COL25A1: variants seen among roughly 807,000 people sequenced by gnomAD.
The protein encoded by COL25A1 is collagen type XXV alpha 1 chain.
A neutral mutation model predicts 128.4 loss-of-function variants in COL25A1; 103 were observed. The ratio of observed to expected loss-of-function variants is 0.80; its 90% CI spans 0.68 to 0.94. The LOEUF (loss-of-function observed/expected upper bound fraction) is 0.94, where lower values mean the gene tolerates loss of function less well. Among genes scored for constraint, COL25A1 ranks in the 40% least tolerant of loss-of-function variants. The pLI is 0.00. For missense variants in COL25A1, 745 were observed against 840.0 expected (o/e 0.89, Z 1.40); for synonymous variants, 279 against 277.2 (o/e 1.01, Z -0.06).
intron 3 of COL25A1, among the ~76,000 whole-genome samples, chr4:109,066,723 C>A (rs991856200): frequency 6.6e-6 from 1 of 152,130 alleles, no homozygotes; most frequent in Non-Finnish European, 1.5e-5. Flanking sequence ...AGTGCCATGG[C>A]ATGATCATAG....
chr4:109,259,965 GTT>G (rs1781324697), intron 3 of COL25A1, among the ~76,000 whole-genome samples: 1 of 152,214 alleles, frequency 6.6e-6, no homozygotes, highest in African/African-American at 2.4e-5. Flanking sequence ...TGGTGATTTA[GTT>G]TACGACAAAC....
At chr4:108,938,771 G>A (rs1444477433) in intron 10 of COL25A1, among the ~76,000 whole-genome samples, 1 of 152,114 alleles carries the variant, frequency 6.6e-6, no homozygotes, top group Non-Finnish European at 1.5e-5. Context: ...ACAGGAGAAT[G>A]GTGTGAACCC....
At chr4:109,166,232 A>AAT (rs146425209) in intron 3 of COL25A1, among the ~76,000 whole-genome samples, 8,991 of 152,268 alleles carry the variant, frequency 0.059, 435 homozygotes, top group African/African-American at 0.13. Flanking sequence ...TTTCCTACTG[A>AAT]ATAACAAATG....
intron 5 of COL25A1, among the ~76,000 whole-genome samples, chr4:109,045,086 T>G (rs1760301052): frequency 6.6e-6 from 1 of 152,212 alleles, no homozygotes. Context: ...CCACTTCTAC[T>G]TAATGAATAG....
chr4:109,060,906 T>C (rs1387393233), intron 3 of COL25A1, among the ~76,000 whole-genome samples: 1 of 152,194 alleles, frequency 6.6e-6, no homozygotes, highest in Non-Finnish European at 1.5e-5. Flanking sequence ...CCAATGCTGA[T>C]GCTATAGTTT....
At chr4:109,017,877 A>C (rs1315192349) in intron 5 of COL25A1, among the ~76,000 whole-genome samples, 1 of 152,182 alleles carries the variant, frequency 6.6e-6, no homozygotes, top group Non-Finnish European at 1.5e-5. Flanking sequence ...ATCATTAAGA[A>C]ACCCAAGCTT....
chr4:109,294,682 T>C (rs1469100642), intron 3 of COL25A1, among the ~76,000 whole-genome samples: 2 of 152,126 alleles, frequency 1.3e-5, no homozygotes, highest in Non-Finnish European at 2.9e-5. Flanking sequence ...GTTTTCACAT[T>C]CTCAGCTTCC....
At chr4:108,858,044 T>A (rs916713610) in intron 24 of COL25A1, among the ~76,000 whole-genome samples, 1 of 151,904 alleles carries the variant, frequency 6.6e-6, no homozygotes, top group African/African-American at 2.4e-5. Flanking sequence ...GATGAACACA[T>A]GCAAAAAGGA....
At chr4:108,899,419 T>C (rs1742559563) in intron 14 of COL25A1, among the ~76,000 whole-genome samples, 1 of 152,178 alleles carries the variant, frequency 6.6e-6, no homozygotes, top group Non-Finnish European at 1.5e-5. Flanking sequence ...ACTAAATAAA[T>C]GTTTTTGAAG....
rs769553624 is a variant in COL25A1, at chr4:108,937,808, C to T, written c.708G>A (p.Met236Ile). ...EPGKPGEQGL[M>I]GPLGPPGQKG... is the part of the protein sequence containing the mutation. Reference sequence around the variant, plus strand: ...GAAAAAGATAAACTGAGATACTTGCCATCAAGCCTTGTTCTCCTGGCTTTC... The same window carrying T: ...GAAAAAGATAAACTGAGATACTTGCTATCAAGCCTTGTTCTCCTGGCTTTC... Residue 236 changes from methionine (M) to isoleucine (I), a missense_variant and splice_region_variant, in exon 11 of 38, where the codon ATG becomes ATA. Around this residue, in one of 3 missense-constraint regions of COL25A1, gnomAD observed 319 missense variants for 324.9 expected, o/e 0.98. Coordinates refer to ENST00000399132, the MANE Select transcript of COL25A1 (RefSeq NM_198721.4). 4 of 1,606,056 alleles carry T rather than the reference C, an allele frequency of 2.5e-6. No individual in the cohort carries two copies. Among genetic ancestry groups the T allele is most frequent in the Non-Finnish European group, 8.5e-7 (1 of 1,176,378 alleles).
At chr4:108,821,529 C>G (rs2125710147) in intron 35 of COL25A1, among the ~76,000 whole-genome samples, 2 of 152,272 alleles carry the variant, frequency 1.3e-5, no homozygotes, top group South Asian at 4.2e-4. Context: ...GTGTCTGAGA[C>G]CAGGTGTCTT....
intron 3 of COL25A1, among the ~76,000 whole-genome samples, chr4:109,181,152 T>C (rs1774593735): frequency 6.6e-6 from 1 of 152,178 alleles, no homozygotes; most frequent in African/African-American, 2.4e-5. Flanking sequence ...AAGTTTCTGA[T>C]AGCCTGTTCT....
chr4:108,985,162 C>T (rs998548412), intron 6 of COL25A1, among the ~76,000 whole-genome samples: 1 of 152,178 alleles, frequency 6.6e-6, no homozygotes, highest in African/African-American at 2.4e-5. Flanking sequence ...TCTACAACTA[C>T]CACACTCCCA....
intron 3 of COL25A1, among the ~76,000 whole-genome samples, chr4:109,199,046 G>A (rs1776345679): frequency 6.6e-6 from 1 of 152,164 alleles, no homozygotes. Flanking sequence ...TTTGATGGGT[G>A]CAGCCAAGTT....
rs1578610311 is a variant in COL25A1, at chr4:108,871,024, GT to G, written c.1021-1875del. Among the ~76,000 whole-genome samples, 3 of 152,178 alleles carry G rather than the reference GT, an allele frequency of 2.0e-5. No individual in the cohort carries two copies. The East Asian group carries it at 5.8e-4, about 29-fold the overall frequency. ...TTATACATATTTCTTATACAGGTTA[GT>G]GTTTAGTTTATAAAAAGATGAACCA... On this transcript the variant is annotated intron_variant, in intron 19 of 37. Transcript: ENST00000399132.
chr4:108,944,646 A>C (rs977357353), intron 8 of COL25A1, among the ~76,000 whole-genome samples: 2 of 152,098 alleles, frequency 1.3e-5, no homozygotes, highest in Non-Finnish European at 2.9e-5. Flanking sequence ...TCTTGTACTC[A>C]TCTCTGAGCA....
intron 6 of COL25A1, among the ~76,000 whole-genome samples, chr4:108,984,765 G>A (rs1027267528): frequency 6.6e-6 from 1 of 152,228 alleles, no homozygotes; most frequent in Non-Finnish European, 1.5e-5. Context: ...TGAGGGAGCC[G>A]GCTCCGGCCT....
At chr4:109,078,090 T>C (rs931949241) in intron 3 of COL25A1, among the ~76,000 whole-genome samples, 2 of 152,208 alleles carry the variant, frequency 1.3e-5, no homozygotes, top group Non-Finnish European at 2.9e-5. Context: ...TTGTTTGTCT[T>C]TTAAGAAGAT....
At chr4:109,225,204 T>G (rs1434263092) in intron 3 of COL25A1, among the ~76,000 whole-genome samples, 1 of 152,150 alleles carries the variant, frequency 6.6e-6, no homozygotes, top group East Asian at 1.9e-4. Flanking sequence ...AAAGAACTCT[T>G]TTCAGTAAAA....
Sources: gnomAD v4.1 joint callset for allele counts (sites outside exome capture counted in the v4.1 genomes callset) on GRCh38, gnomAD v4.1.1 for gene constraint, gnomAD v4.1.1 regional missense constraint, MANE v1.5 for transcripts, NCBI Gene and HGNC (gene_info 2026-07-23, HGNC 2026-07-21) for gene names.